PLCB1: variants seen among roughly 807,000 people sequenced by gnomAD.
The protein encoded by PLCB1 is 1-phosphatidylinositol 4,5-bisphosphate phosphodiesterase beta-1.
In PLCB1, 46 loss-of-function variants were observed where a neutral mutation model predicts 161.8. The observed-to-expected ratio is 0.28, with a 90% CI of 0.22 to 0.36. The LOEUF (loss-of-function observed/expected upper bound fraction) is 0.36. Among genes scored for constraint, PLCB1 ranks in the 10% least tolerant of loss-of-function variants. The probability of loss-of-function intolerance (pLI) is 1.00; values close to 1 mark genes in which losing one functional copy is unlikely to be tolerated. For synonymous variants in PLCB1, 517 were observed against 503.7 expected (o/e 1.03, Z -0.35); for missense variants, 1,016 against 1,472.5 (o/e 0.69, Z 5.07).
At chr20:8,487,219 T>C (rs914888752) in intron 3 of PLCB1, among the ~76,000 whole-genome samples, 1 of 152,222 alleles carries the variant, frequency 6.6e-6, no homozygotes, top group Non-Finnish European at 1.5e-5. Context: ...TTTTCCTTGT[T>C]CACATTTTTT....
intron 3 of PLCB1, among the ~76,000 whole-genome samples, chr20:8,480,850 G>A (rs370435840): frequency 1.6e-4 from 24 of 152,260 alleles, no homozygotes; most frequent in Non-Finnish European, 2.5e-4. Context: ...TGTGGCTCAT[G>A]CCCAGCACTT....
At chr20:8,824,679 G>A (rs1985602563) in intron 31 of PLCB1, among the ~76,000 whole-genome samples, 2 of 152,094 alleles carry the variant, frequency 1.3e-5, no homozygotes, top group Admixed American at 1.3e-4. Flanking sequence ...GTACAATGAG[G>A]ACTGGGATTC....
chr20:8,861,085 T>C (rs114955834), intron 31 of PLCB1, among the ~76,000 whole-genome samples: 225 of 152,240 alleles, frequency 1.5e-3, no homozygotes, highest in African/African-American at 5.0e-3. Context: ...TGAGCAAAGG[T>C]GAGGGAAAAC....
At chr20:8,860,291 T>G (rs1987208255) in intron 31 of PLCB1, among the ~76,000 whole-genome samples, 1 of 152,208 alleles carries the variant, frequency 6.6e-6, no homozygotes, top group Non-Finnish European at 1.5e-5. Context: ...GAAGAAAAGC[T>G]TTGTGCTTAA....
At chr20:8,404,148 A>G (rs986538801) in intron 3 of PLCB1, among the ~76,000 whole-genome samples, 5 of 152,312 alleles carry the variant, frequency 3.3e-5, no homozygotes, top group Non-Finnish European at 7.3e-5. Context: ...TTGAAGGAAT[A>G]TTGACAATCA....
At chr20:8,407,284 T>A (rs1167827262) in intron 3 of PLCB1, among the ~76,000 whole-genome samples, 1 of 152,126 alleles carries the variant, frequency 6.6e-6, no homozygotes, top group Non-Finnish European at 1.5e-5. Context: ...AAATCACAGA[T>A]AACGAGTATC....
At position 8,585,763 on chromosome 20, in the gene PLCB1, C is replaced by T. The variant is rs148694774; in HGVS notation, c.247-42531C>T. 7.5e-3 allele frequency among the ~76,000 whole-genome samples: 1,144 copies of T among 152,322 alleles called. 18 individuals carry two copies. The highest frequency in any genetic ancestry group is 0.025 in the African/African-American group (1,020 of 41,562). ...CTGTCTCCTAAATGTGAGGTGGTCT[C>T]TGCTCCTTGCCAGCTCCAAGTGACC... On this transcript the variant is annotated intron_variant, in intron 3 of 31. Transcript: ENST00000338037.
chr20:8,831,975 T>C (rs866044836), intron 31 of PLCB1, among the ~76,000 whole-genome samples: 5 of 103,218 alleles, frequency 4.8e-5, no homozygotes, highest in Non-Finnish European at 2.2e-5. Context: ...TCTTTCTTTC[T>C]TTCTTTCCTT....
At chr20:8,184,701 T>C (rs1038868040) in intron 2 of PLCB1, among the ~76,000 whole-genome samples, 2 of 151,140 alleles carry the variant, frequency 1.3e-5, no homozygotes, top group African/African-American at 4.8e-5. Flanking sequence ...GAAATGTAAA[T>C]TGTAACCACA....
At chr20:8,232,777 G>C (rs945035156) in intron 2 of PLCB1, among the ~76,000 whole-genome samples, 1 of 152,164 alleles carries the variant, frequency 6.6e-6, no homozygotes, top group Non-Finnish European at 1.5e-5. Flanking sequence ...TTTTGGACTG[G>C]AGGAAAGATG....
chr20:8,565,223 A>G (rs1383800524), intron 3 of PLCB1, among the ~76,000 whole-genome samples: 2 of 152,140 alleles, frequency 1.3e-5, no homozygotes, highest in African/African-American at 2.4e-5. Context: ...CATTCTCAGC[A>G]AACTAACACA....
intron 7 of PLCB1, chr20:8,651,744 G>A: frequency 2.3e-6 from 1 of 430,640 alleles, no homozygotes; most frequent in East Asian, 3.2e-5. Context: ...TGGGGGAAGT[G>A]CTATAAAAAG....
chr20:8,433,756 G>C (rs976209921), intron 3 of PLCB1, among the ~76,000 whole-genome samples: 1 of 115,636 alleles, frequency 8.6e-6, no homozygotes, highest in African/African-American at 3.6e-5. Flanking sequence ...TGGACAATTG[G>C]TTTCATCCAT....
intron 9 of PLCB1, among the ~76,000 whole-genome samples, chr20:8,683,245 T>A (rs959327590): frequency 6.6e-6 from 1 of 152,114 alleles, no homozygotes; most frequent in East Asian, 1.9e-4. Context: ...TCTGGGAGGA[T>A]ACACACCAAT....
intron 23 of PLCB1, among the ~76,000 whole-genome samples, chr20:8,748,232 A>G (rs544417398): frequency 6.6e-6 from 1 of 152,228 alleles, no homozygotes; most frequent in Non-Finnish European, 1.5e-5. Context: ...TTTGGCATTC[A>G]CAATGCACTT....
chr20:8,715,697 A>C (rs981612063), intron 12 of PLCB1, among the ~76,000 whole-genome samples: 82 of 152,154 alleles, frequency 5.4e-4, no homozygotes, highest in African/African-American at 1.9e-3. Flanking sequence ...CCCCCTCCCC[A>C]AGTGGACACA....
intron 2 of PLCB1, among the ~76,000 whole-genome samples, chr20:8,173,643 T>C (rs1289139373): frequency 6.6e-6 from 1 of 152,050 alleles, no homozygotes; most frequent in East Asian, 1.9e-4. Context: ...ATGGCTTGAG[T>C]CAGAAAAATT....
chr20:8,456,057 A>C (rs990325489), intron 3 of PLCB1, among the ~76,000 whole-genome samples: 1 of 152,232 alleles, frequency 6.6e-6, no homozygotes, highest in African/African-American at 2.4e-5. Context: ...TGATACAGAG[A>C]AAATCAAAGA....
intron 3 of PLCB1, among the ~76,000 whole-genome samples, chr20:8,484,517 A>G (rs1600100525): frequency 6.7e-6 from 1 of 150,172 alleles, no homozygotes; most frequent in East Asian, 2.0e-4. Context: ...CCCCCTCACC[A>G]TGCCCAGATA....
Sources: gnomAD v4.1 joint callset for allele counts (sites outside exome capture counted in the v4.1 genomes callset) on GRCh38, gnomAD v4.1.1 for gene constraint, MANE v1.5 for transcripts, NCBI Gene and HGNC (gene_info 2026-07-23, HGNC 2026-07-21) for gene names.